FAF1: variants seen among roughly 807,000 people sequenced by gnomAD.
FAF1 encodes the protein Fas associated factor 1, also known as FAS-associated factor 1.
A neutral mutation model predicts 92.5 loss-of-function variants in FAF1; 25 were observed. The observed-to-expected ratio is 0.27, with a 90% confidence interval of 0.20 to 0.38. FAF1 has a LOEUF of 0.38. Ranked by LOEUF, FAF1 falls within the 10% of genes least tolerant of loss-of-function variation. FAF1 has a pLI of 1.00. For synonymous variants in FAF1, 234 were observed against 273.2 expected (o/e 0.86, Z 1.42); for missense variants, 636 against 793.3 (o/e 0.80, Z 2.38).
intron 7 of FAF1, among the ~76,000 whole-genome samples, chr1:50,692,940 A>G (rs568029004): frequency 5.6e-4 from 86 of 152,240 alleles, no homozygotes; most frequent in Middle Eastern, 3.4e-3. Context: ...TTGAGTTGTA[A>G]GAGTTCTTCA....
chr1:50,506,918 T>G (rs959716197), intron 15 of FAF1, among the ~76,000 whole-genome samples: 1 of 152,226 alleles, frequency 6.6e-6, no homozygotes, highest in Non-Finnish European at 1.5e-5. Flanking sequence ...CTTTACCTTC[T>G]TCTTCCTGCC....
chr1:50,478,245 C>T (rs939220883), intron 17 of FAF1, among the ~76,000 whole-genome samples: 1 of 151,448 alleles, frequency 6.6e-6, no homozygotes, highest in African/African-American at 2.4e-5. Flanking sequence ...CTCTCTGCAA[C>T]CTCCGTCTCC....
chr1:50,728,870 G>A (rs528733843), intron 6 of FAF1, among the ~76,000 whole-genome samples: 1 of 150,506 alleles, frequency 6.6e-6, no homozygotes, highest in Admixed American at 6.6e-5. Context: ...GTAGTTTTAT[G>A]GAGAGGACTA....
At chr1:50,672,821 T>C (rs992267116) in intron 7 of FAF1, among the ~76,000 whole-genome samples, 4 of 152,206 alleles carry the variant, frequency 2.6e-5, no homozygotes, top group African/African-American at 9.6e-5. Context: ...AATAATGTTA[T>C]TTTAAAGTAG....
At chr1:50,614,167 CTT>C (rs200819356) in intron 8 of FAF1, among the ~76,000 whole-genome samples, 7,714 of 152,160 alleles carry the variant, frequency 0.051, 270 homozygotes, top group Non-Finnish European at 0.074. Context: ...ATCCAAAACT[CTT>C]TTCAAAAATA....
At chr1:50,911,597 TGA>T (rs772809171) in intron 1 of FAF1, among the ~76,000 whole-genome samples, 9 of 151,894 alleles carry the variant, frequency 5.9e-5, no homozygotes, top group Non-Finnish European at 5.9e-5. Context: ...CTCGGGAGGC[TGA>T]GTCATGAGAA....
rs1410305988 is a variant in FAF1 at position 50,438,035 on chromosome 1, A to T, written c.*3405T>A. 2.0e-5 allele frequency: 3 copies of T among 151,714 alleles called. No homozygotes were observed. Among genetic ancestry groups the T allele is most frequent in the Non-Finnish European group, 4.4e-5 (3 of 68,186 alleles). 9.4% of individuals were successfully genotyped at this position (151,714 alleles called of 1,614,324 possible). On this transcript the variant is annotated 3_prime_UTR_variant, in exon 19 of 19. Transcript: ENST00000396153. The stretch of plus-strand genomic sequence containing the variant: ...GAGACTCTGTCTCAAAAAAAAAAAA[A>T]AAAAAAAAAAAAAATTAGAGATTCT...
chr1:50,801,096 A>G (rs1310674518), intron 3 of FAF1, among the ~76,000 whole-genome samples: 1 of 152,238 alleles, frequency 6.6e-6, no homozygotes, highest in African/African-American at 2.4e-5. Context: ...TGGCCATAAC[A>G]CAAAACCTCT....
At chr1:50,916,332 T>C (rs749389451) in intron 1 of FAF1, among the ~76,000 whole-genome samples, 3 of 152,220 alleles carry the variant, frequency 2.0e-5, no homozygotes, top group Non-Finnish European at 4.4e-5. Flanking sequence ...GCTAATTTTG[T>C]GGTAAAGACA....
chr1:50,472,572 A>G (rs890674940), intron 18 of FAF1, among the ~76,000 whole-genome samples: 4 of 152,118 alleles, frequency 2.6e-5, no homozygotes, highest in African/African-American at 9.7e-5. Context: ...GACAGCTCGG[A>G]AATCTTAACA....
In FAF1 at chr1:50,959,887, C is replaced by T; in HGVS notation, c.-76G>A. 4 of 995,238 alleles carry T rather than the reference C, an allele frequency of 4.0e-6. No homozygotes were observed. The South Asian group carries it at 1.4e-4, about 34-fold the overall frequency. 61.7% of individuals were successfully genotyped at this position (995,238 alleles called of 1,614,324 possible). A position where few individuals can be genotyped will look rare whatever the true frequency, so the allele number is the denominator to read the frequency against. ...CAGACGGCACCTCCTGCGACCGTCG[C>T]CGCCACCGCCGCCGCCGCCGCCGGG... On this transcript the variant is annotated 5_prime_UTR_variant, in exon 1 of 19. Coordinates refer to ENST00000396153, the MANE Select transcript of FAF1 (RefSeq NM_007051.3).
At chr1:50,807,846 T>C (rs1279983254) in intron 2 of FAF1, among the ~76,000 whole-genome samples, 1 of 152,170 alleles carries the variant, frequency 6.6e-6, no homozygotes, top group Non-Finnish European at 1.5e-5. Context: ...TTTTAGAGTG[T>C]CATTCATGAA....
intron 1 of FAF1, among the ~76,000 whole-genome samples, chr1:50,905,474 T>G (rs1317690385): frequency 6.6e-6 from 1 of 152,244 alleles, no homozygotes; most frequent in Non-Finnish European, 1.5e-5. Context: ...TCTTCCACAA[T>G]GGTTGAACTA....
chr1:50,685,894 C>T (rs1347317914), intron 7 of FAF1, among the ~76,000 whole-genome samples: 1 of 152,140 alleles, frequency 6.6e-6, no homozygotes, highest in Non-Finnish European at 1.5e-5. Context: ...AAGTAAAAAC[C>T]ATTCTCCTTT....
chr1:50,755,659 C>T (rs1660047839), intron 4 of FAF1, among the ~76,000 whole-genome samples: 1 of 152,180 alleles, frequency 6.6e-6, no homozygotes, highest in South Asian at 2.1e-4. Flanking sequence ...CTAGCAGAGG[C>T]CCTCCAGGAG....
At chr1:50,543,938 G>T (rs1648878226) in intron 13 of FAF1, among the ~76,000 whole-genome samples, 1 of 152,130 alleles carries the variant, frequency 6.6e-6, no homozygotes, top group Non-Finnish European at 1.5e-5. Context: ...ATGGCGAAAG[G>T]TCAAGGGGGA....
chr1:50,455,731 G>T (rs1646343163), intron 18 of FAF1, among the ~76,000 whole-genome samples: 1 of 152,160 alleles, frequency 6.6e-6, no homozygotes, highest in South Asian at 2.1e-4. Flanking sequence ...ATAACAAGTG[G>T]CTAGAAGAAT....
chr1:50,471,524 G>C (rs181052339), intron 18 of FAF1, among the ~76,000 whole-genome samples: 3 of 152,268 alleles, frequency 2.0e-5, no homozygotes, highest in Non-Finnish European at 4.4e-5. Context: ...TAAAAACCTA[G>C]AAAGCTGGGG....
At chr1:50,883,056 C>T (rs1354033712) in intron 1 of FAF1, among the ~76,000 whole-genome samples, 2 of 151,666 alleles carry the variant, frequency 1.3e-5, no homozygotes, top group Admixed American at 6.6e-5. Flanking sequence ...AATCAGGACT[C>T]ATAAATGCCC....
Sources: allele counts gnomAD v4.1 joint callset (sites outside exome capture counted in the v4.1 genomes callset), GRCh38; gene constraint gnomAD v4.1.1; transcripts MANE v1.5; gene names NCBI Gene and HGNC (gene_info 2026-07-23, HGNC 2026-07-21).